The following KIF1A variants were observed in gnomAD, a reference collection of about 807,000 sequenced individuals.
The protein encoded by KIF1A is kinesin-like protein KIF1A.
Under a neutral mutation model 227.3 loss-of-function variants are expected in KIF1A, and 46 were observed. The ratio of observed to expected loss-of-function variants is 0.20; its 90% CI spans 0.16 to 0.26. The LOEUF is 0.26. Ranked by LOEUF, KIF1A falls within the 10% of genes least tolerant of loss-of-function variation. KIF1A has a pLI of 1.00. For synonymous variants in KIF1A, 1,022 were observed against 1,012.8 expected (o/e 1.01, Z -0.17); for missense variants, 1,683 against 2,485.9 (o/e 0.68, Z 6.87).
At chr2:240,732,220 G>A (rs1451096502) in intron 38 of KIF1A, among the ~76,000 whole-genome samples, 4 of 120,510 alleles carry the variant, frequency 3.3e-5, no homozygotes, top group African/African-American at 1.4e-4. Context: ...GAGGGGAGGA[G>A]GGGATGAGGC....
chr2:240,719,110 A>C lies in KIF1A; in HGVS notation c.5110T>G (p.Tyr1704Asp). The C allele has an allele frequency of 6.2e-7, 1 of 1,612,586 alleles. No homozygotes were observed. Among genetic ancestry groups the C allele is most frequent in the Non-Finnish European group, 8.5e-7 (1 of 1,179,736 alleles). Residue 1704 changes from tyrosine (Y) to aspartate (D), a missense_variant, in exon 47 of 49, where the codon TAT (tyrosine) becomes GAT (aspartate). By Grantham distance (160) the Tyr-to-Asp change is radical. Around this residue, in one of 12 missense-constraint regions of KIF1A, gnomAD observed 384 missense variants for 410.1 expected, o/e 0.94. Coordinates refer to ENST00000498729, the MANE Select transcript of KIF1A (RefSeq NM_001244008.2). ...TTGTCGCTGTTGTACATGTAGGCAT[A>C]GGGGCGCCGCACCACCACGAAGCGC... ...ARRFVVVRRP[Y>D]AYMYNSDKDT...
Position 240,767,025 on chromosome 2 carries a change from CG to C in KIF1A, c.1578-5del. 1.2e-6 allele frequency: 2 copies of C among 1,600,056 alleles called. No homozygotes were observed. The highest frequency in any genetic ancestry group is 1.7e-6 in the Non-Finnish European group (2 of 1,171,632). On this transcript the variant is annotated splice_polypyrimidine_tract_variant and splice_region_variant and intron_variant, in intron 18 of 48. Coordinates refer to ENST00000498729, the MANE Select transcript of KIF1A (RefSeq NM_001244008.2). Reference sequence around the variant, plus strand: ...CTCGCCATCCTCCCTGCCCACTCTGCGGGGTGGGGGCACCATCAGCACGGCA... The same window carrying C: ...CTCGCCATCCTCCCTGCCCACTCTGCGGGTGGGGGCACCATCAGCACGGCA...
chr2:240,763,710 G>A (rs1003702232), intron 20 of KIF1A, among the ~76,000 whole-genome samples: 6 of 152,140 alleles, frequency 3.9e-5, no homozygotes, highest in South Asian at 2.1e-4. Flanking sequence ...GTCTGGGGCC[G>A]GTGCCCCCAG....
chr2:240,814,538 G>C (rs1575680817), intron 1 of KIF1A, among the ~76,000 whole-genome samples: 2 of 152,170 alleles, frequency 1.3e-5, no homozygotes, highest in East Asian at 3.8e-4. Context: ...AGCAGCTCTA[G>C]GGTCCAAGAA....
rs2055948499 is a variant in KIF1A, at chr2:240,793,185, T to G, written c.107-3873A>C. Among the ~76,000 whole-genome samples, 1 of 152,160 alleles carries G rather than the reference T, an allele frequency of 6.6e-6. No homozygotes were observed. The highest frequency in any genetic ancestry group is 2.4e-5 in the African/African-American group (1 of 41,450). The stretch of plus-strand genomic sequence containing the variant: ...GAGCCCACAGCGGAGGCTGGGGGCC[T>G]GGGTCGCACCCACCCTGGGTCCAGA... On this transcript the variant is annotated intron_variant, in intron 2 of 48. Transcript: ENST00000498729. This position sits in a 1 kb window ranked among gnomAD's most constrained non-coding sequence, Gnocchi z 4.8.
chr2:240,819,460 G>A (rs900458560), intron 1 of KIF1A, among the ~76,000 whole-genome samples: 2 of 152,120 alleles, frequency 1.3e-5, no homozygotes, highest in African/African-American at 4.8e-5. Flanking sequence ...AGGGGGTGAT[G>A]GGCAGGCCGG....
At chr2:240,809,751 C>T (rs895513949) in intron 1 of KIF1A, among the ~76,000 whole-genome samples, 1 of 150,986 alleles carries the variant, frequency 6.6e-6, no homozygotes, top group African/African-American at 2.4e-5. Flanking sequence ...TCGCTGCAAC[C>T]TCTGCCACCA....
Position 240,785,097 on chromosome 2 carries a change from G to T in KIF1A, c.612C>A (p.Thr204=). Residue 204 remains threonine, a synonymous_variant, in exon 7 of 49, where the codon ACC becomes ACA. Transcript: ENST00000498729. ...DLMDSGNKAR[T]VAATNMNETS... is the part of the protein sequence containing the mutation. ...TCTCATTCATGTTGGTGGCCGCCAC[G>T]GTCCTGAGGAGCAGAAAGCCACGCA... The T allele has an allele frequency of 6.2e-7, 1 of 1,612,110 alleles. No homozygotes were observed.
chr2:240,784,463 G>A lies in KIF1A; in HGVS notation c.720+526C>T, dbSNP rs566334952. On this transcript the variant is annotated intron_variant, in intron 7 of 48. Coordinates refer to ENST00000498729, the MANE Select transcript of KIF1A (RefSeq NM_001244008.2). ...CTCGTCTGTCCCCCAACCCACCTCA[G>A]CCATCCTGAGCCCCCGCTCACTGTT... Among the ~76,000 whole-genome samples, 11 of 152,324 alleles carry A rather than the reference G, an allele frequency of 7.2e-5. 1 individual carries two copies. In the East Asian group the frequency reaches 2.1e-3, roughly 29 times the overall value.
At chr2:240,815,453 G>A (rs1005263558) in intron 1 of KIF1A, among the ~76,000 whole-genome samples, 2 of 152,142 alleles carry the variant, frequency 1.3e-5, no homozygotes, top group Non-Finnish European at 2.9e-5. Flanking sequence ...AGCCCCACGG[G>A]AGGCCCAGAG....
At chr2:240,786,720 GA>G (rs2054868040) in intron 5 of KIF1A, among the ~76,000 whole-genome samples, 1 of 104,880 alleles carries the variant, frequency 9.5e-6, no homozygotes, top group African/African-American at 3.9e-5. Flanking sequence ...ACCCCTGAGT[GA>G]GGGGGTGGGG....
intron 1 of KIF1A, among the ~76,000 whole-genome samples, chr2:240,803,603 C>A (rs2057153825): frequency 6.6e-6 from 1 of 152,038 alleles, no homozygotes; most frequent in Non-Finnish European, 1.5e-5. Context: ...TGGATGAATA[C>A]CACAAACAGG....
At position 240,719,939 on chromosome 2, in the gene KIF1A, G is replaced by A. The variant is rs772025810; in HGVS notation, c.4869-13C>T. 7.0e-5 allele frequency: 112 copies of A among 1,602,106 alleles called. No homozygotes were observed. The highest frequency in any genetic ancestry group is 3.2e-4 in the Admixed American group (19 of 58,900). ...GGGCTGCGGGGTCCTGGGAAGCAGA[G>A]GGAAGTGCTGCCCACTGCAGGCCTC... On this transcript the variant is annotated splice_polypyrimidine_tract_variant and intron_variant, in intron 45 of 48. Transcript: ENST00000498729.
In KIF1A at chr2:240,775,709, G is replaced by C; in HGVS notation, c.958+142C>G. On this transcript the variant is annotated intron_variant, in intron 11 of 48. Coordinates refer to ENST00000498729, the MANE Select transcript of KIF1A (RefSeq NM_001244008.2). This position sits in a 1 kb window ranked among gnomAD's most constrained non-coding sequence, Gnocchi z 5.5. ...CTCCAGAAGGGCCACGAACTGACTG[G>C]ACCCTCCAGGTTCACCTCCCAGCCT... is the stretch of plus-strand genomic sequence containing the variant. 1.5e-6 allele frequency: 1 copy of C among 647,026 alleles called. No individual in the cohort carries two copies. The highest frequency in any genetic ancestry group is 2.7e-5 in the East Asian group (1 of 36,586). The allele number at this position is 647,026 out of a possible 1,614,324, so 40.1% of individuals were successfully genotyped here. A position where few individuals can be genotyped will look rare whatever the true frequency, so the allele number is the denominator to read the frequency against.
In KIF1A at chr2:240,783,553, G is replaced by A. The variant is rs34625166; in HGVS notation, c.798+186C>T. On this transcript the variant is annotated intron_variant, in intron 8 of 48. Coordinates refer to ENST00000498729, the MANE Select transcript of KIF1A (RefSeq NM_001244008.2). ...CAAACCCCTGACCTGTGTGCCCAGC[G>A]CTGGTGCCCCGGGCATGGCCCTCGG... 0.067 allele frequency among the ~76,000 whole-genome samples: 10,256 copies of A among 152,232 alleles called. 365 individuals are homozygous for A. Among genetic ancestry groups the A allele is most frequent in the Non-Finnish European group, 0.082 (5,589 of 67,998 alleles).
Position 240,726,994 on chromosome 2 carries a change from C to A in KIF1A, c.4008-54G>T. 9.2e-7 allele frequency: 1 copy of A among 1,092,606 alleles called. No homozygotes were observed. The highest frequency in any genetic ancestry group is 1.4e-5 in the South Asian group (1 of 71,092). 67.7% of individuals were successfully genotyped at this position (1,092,606 alleles called of 1,614,324 possible). Reference sequence around the variant, plus strand: ...TTGATGGCGTGGGGGCTGCTTTCAGCCAGGCCGGGGACATGCAGACAGACA... The same window carrying A: ...TTGATGGCGTGGGGGCTGCTTTCAGACAGGCCGGGGACATGCAGACAGACA... On this transcript the variant is annotated intron_variant, in intron 38 of 48. Coordinates refer to ENST00000498729, the MANE Select transcript of KIF1A (RefSeq NM_001244008.2). This position sits in a 1 kb window ranked among gnomAD's most constrained non-coding sequence, Gnocchi z 5.2.
chr2:240,810,628 G>A (rs757610772), intron 1 of KIF1A, among the ~76,000 whole-genome samples: 9 of 152,182 alleles, frequency 5.9e-5, no homozygotes, highest in Non-Finnish European at 1.2e-4. Context: ...AAAAAGAATG[G>A]AGACAGCCCA....
In KIF1A at chr2:240,775,147, G is replaced by A. The variant is rs562778984; in HGVS notation, c.958+704C>T. 7.2e-5 allele frequency among the ~76,000 whole-genome samples: 11 copies of A among 152,306 alleles called. No individual in the cohort carries two copies. Among genetic ancestry groups the A allele is most frequent in the Non-Finnish European group, 4.4e-5 (3 of 68,020 alleles). On this transcript the variant is annotated intron_variant, in intron 11 of 48. Transcript: ENST00000498729. This position sits in a 1 kb window ranked among gnomAD's most constrained non-coding sequence, Gnocchi z 5.5. The stretch of plus-strand genomic sequence containing the variant: ...GCCCATCCATCCGCAGGCCTGCTGC[G>A]GTCTGCAATACTGACCTGAGCTGGG...
chr2:240,814,941 C>T, intron 1 of KIF1A, among the ~76,000 whole-genome samples: 1 of 152,164 alleles, frequency 6.6e-6, no homozygotes, highest in East Asian at 1.9e-4. Context: ...ATAAAGATAA[C>T]CAAGAGCTGG....
Sources: gnomAD v4.1 joint callset for allele counts (sites outside exome capture counted in the v4.1 genomes callset) on GRCh38, gnomAD v4.1.1 for gene constraint, gnomAD v4.1.1 regional missense constraint, Gnocchi (gnomAD v3.1) non-coding constraint, MANE v1.5 for transcripts, NCBI Gene and HGNC (gene_info 2026-07-23, HGNC 2026-07-21) for gene names.